The following ANXA10 variants were observed in gnomAD, a reference collection of about 807,000 sequenced individuals.
The protein encoded by ANXA10 is annexin A10, also known as annexin 14.
ANXA10 carries 49 observed loss-of-function variants against 53.5 expected under a neutral mutation model. The observed-to-expected ratio is 0.92, with a 90% CI of 0.73 to 1.16. The LOEUF is 1.16. ANXA10 is among the 50% of genes most tolerant of loss of function. ANXA10 has a pLI of 0.00. For missense variants in ANXA10, 393 were observed against 394.4 expected, an observed-to-expected ratio of 1.00 and a Z score of 0.03; for synonymous variants, 131 against 128.9, an observed-to-expected ratio of 1.02 and a Z score of -0.11.
intron 6 of ANXA10, among the ~76,000 whole-genome samples, chr4:168,170,462 T>C (rs1353881439): frequency 1.3e-5 from 2 of 152,184 alleles, no homozygotes; most frequent in Admixed American, 6.5e-5. Flanking sequence ...ATTGCTTGTG[T>C]TTTAAGTTTA....
chr4:168,158,840 T>C (rs2149476623), intron 3 of ANXA10, among the ~76,000 whole-genome samples: 1 of 152,322 alleles, frequency 6.6e-6, no homozygotes, highest in East Asian at 1.9e-4. Flanking sequence ...AAATGTGATC[T>C]CCAGTGCTGG....
At chr4:168,144,043 C>A (rs991651800) in intron 3 of ANXA10, among the ~76,000 whole-genome samples, 4 of 152,232 alleles carry the variant, frequency 2.6e-5, no homozygotes, top group Non-Finnish European at 5.9e-5. Context: ...ATACCCCTCA[C>A]CTGACCCACA....
chr4:168,182,571 G>A (rs1229148904), intron 10 of ANXA10, among the ~76,000 whole-genome samples: 2 of 148,626 alleles, frequency 1.3e-5, no homozygotes. Context: ...CTGACTTCGT[G>A]ATCCGCCCGC....
intron 1 of ANXA10, among the ~76,000 whole-genome samples, chr4:168,110,444 CTT>C (rs70957898): frequency 2.8e-4 from 36 of 127,492 alleles, no homozygotes; most frequent in Admixed American, 3.1e-4. Context: ...TGTGTTAATT[CTT>C]TTTTTTTTTT....
chr4:168,181,119 A>T lies in ANXA10; in HGVS notation c.725-564A>T, dbSNP rs540745149. Among the ~76,000 whole-genome samples, 3 of 152,308 alleles carry T rather than the reference A, an allele frequency of 2.0e-5. No homozygotes were observed. In the South Asian group the frequency reaches 6.2e-4, roughly 32 times the overall value. The stretch of plus-strand genomic sequence containing the variant: ...CTCTTTGAAGCTCTATTAATTTAAT[A>T]TTCAGATAAAGATGATAAAGTTTTC... On this transcript the variant is annotated intron_variant, in intron 9 of 11. Transcript: ENST00000359299.
At chr4:168,163,376 A>G (rs1731818528) in intron 4 of ANXA10, among the ~76,000 whole-genome samples, 1 of 152,202 alleles carries the variant, frequency 6.6e-6, no homozygotes, top group Non-Finnish European at 1.5e-5. Context: ...ATCTGTGAAC[A>G]ATGTGTGACA....
intron 4 of ANXA10, among the ~76,000 whole-genome samples, chr4:168,163,870 T>C (rs1731827681): frequency 6.6e-6 from 1 of 152,160 alleles, no homozygotes; most frequent in African/African-American, 2.4e-5. Flanking sequence ...AAATGGAATA[T>C]CAAATATCAT....
At chr4:168,117,607 A>G (rs566107273) in intron 1 of ANXA10, among the ~76,000 whole-genome samples, 2 of 152,322 alleles carry the variant, frequency 1.3e-5, no homozygotes, top group South Asian at 4.1e-4. Context: ...AATGTATAAC[A>G]AAATCAATTT....
chr4:168,145,566 G>T (rs756443731), intron 3 of ANXA10, among the ~76,000 whole-genome samples: 9 of 152,176 alleles, frequency 5.9e-5, no homozygotes, highest in Non-Finnish European at 1.2e-4. Flanking sequence ...TGCCTCGGTT[G>T]TAAGTTTTGC....
intron 1 of ANXA10, among the ~76,000 whole-genome samples, chr4:168,098,810 C>T (rs1298124131): frequency 1.3e-5 from 2 of 151,822 alleles, no homozygotes; most frequent in South Asian, 4.2e-4. Flanking sequence ...AAAAAAAAGA[C>T]TATTACAAGT....
intron 1 of ANXA10, among the ~76,000 whole-genome samples, chr4:168,116,561 C>T (rs1730896483): frequency 6.6e-6 from 1 of 151,894 alleles, no homozygotes; most frequent in Non-Finnish European, 1.5e-5. Flanking sequence ...CCAGAGATCT[C>T]CCCCACCCCC....
At chr4:168,115,217 G>A (rs1185392334) in intron 1 of ANXA10, among the ~76,000 whole-genome samples, 2 of 151,972 alleles carry the variant, frequency 1.3e-5, no homozygotes, top group Non-Finnish European at 2.9e-5. Context: ...GTCTATCACT[G>A]GTGGGCATTT....
At chr4:168,102,980 T>A (rs1462833608) in intron 1 of ANXA10, among the ~76,000 whole-genome samples, 1 of 152,122 alleles carries the variant, frequency 6.6e-6, no homozygotes, top group African/African-American at 2.4e-5. Flanking sequence ...TACTATACCG[T>A]CATTGTGAAT....
intron 6 of ANXA10, among the ~76,000 whole-genome samples, chr4:168,169,372 C>G (rs1367017797): frequency 2.0e-5 from 3 of 152,142 alleles, no homozygotes; most frequent in Non-Finnish European, 4.4e-5. Flanking sequence ...GCCAACAGTT[C>G]CATTATAAGC....
chr4:168,140,668 G>A (rs1369217018), intron 3 of ANXA10, among the ~76,000 whole-genome samples: 1 of 151,782 alleles, frequency 6.6e-6, no homozygotes, highest in Non-Finnish European at 1.5e-5. Flanking sequence ...GTCCAAGCTG[G>A]AGTGCAATGG....
At chr4:168,141,950 C>T (rs553372199) in intron 3 of ANXA10, among the ~76,000 whole-genome samples, 4 of 152,168 alleles carry the variant, frequency 2.6e-5, no homozygotes, top group Admixed American at 1.3e-4. Context: ...GGGTTGGATA[C>T]GAATTCTATC....
intron 1 of ANXA10, among the ~76,000 whole-genome samples, chr4:168,103,670 G>T (rs1432043170): frequency 6.6e-6 from 1 of 151,738 alleles, no homozygotes; most frequent in Admixed American, 6.6e-5. Flanking sequence ...AAATATTTTT[G>T]AATAAAATTG....
intron 1 of ANXA10, among the ~76,000 whole-genome samples, chr4:168,125,544 G>A (rs1731053579): frequency 6.6e-6 from 1 of 152,146 alleles, no homozygotes; most frequent in South Asian, 2.1e-4. Context: ...TGGATCTGGA[G>A]GGATGTGGTT....
intron 1 of ANXA10, among the ~76,000 whole-genome samples, chr4:168,124,074 T>C (rs1230457795): frequency 2.0e-5 from 3 of 152,174 alleles, no homozygotes; most frequent in Non-Finnish European, 4.4e-5. Context: ...GCCAGTAGAA[T>C]TAGAAATGGA....
Sources: gnomAD v4.1 joint callset for allele counts (sites outside exome capture counted in the v4.1 genomes callset) on GRCh38, gnomAD v4.1.1 for gene constraint, MANE v1.5 for transcripts, NCBI Gene and HGNC (gene_info 2026-07-23, HGNC 2026-07-21) for gene names.